The following TMEM135 variants were observed in gnomAD, a reference collection of about 807,000 sequenced individuals.
The protein encoded by TMEM135 is transmembrane protein 135, also known as peroxisomal membrane protein 52.
In TMEM135, 30 loss-of-function variants were observed where a neutral mutation model predicts 60.3. The observed-to-expected ratio is 0.50, with a 90% CI of 0.37 to 0.68. The LOEUF (loss-of-function observed/expected upper bound fraction) is 0.68, where lower values mean the gene tolerates loss of function less well. TMEM135 is among the 30% of genes least tolerant of loss of function. The pLI, the probability that TMEM135 is intolerant of heterozygous loss-of-function variation, is 0.00. For synonymous variants in TMEM135, 190 were observed against 186.7 expected (o/e 1.02, Z -0.14); for missense variants, 468 against 548.8 (o/e 0.85, Z 1.47).
chr11:87,316,780 T>A (rs1270085182), intron 12 of TMEM135, among the ~76,000 whole-genome samples: 1 of 151,426 alleles, frequency 6.6e-6, no homozygotes, highest in Admixed American at 6.6e-5. Context: ...GTGGCCAGAG[T>A]TTTTTAAGGC....
At chr11:87,049,758 G>A (rs1006896785) in intron 1 of TMEM135, among the ~76,000 whole-genome samples, 3 of 89,118 alleles carry the variant, frequency 3.4e-5, no homozygotes, top group East Asian at 4.5e-4. Flanking sequence ...ACAGATCAAC[G>A]AGACAGAAAG....
rs771228515 is a variant in TMEM135, at chr11:87,321,361, A to G, written c.*28A>G. On this transcript the variant is annotated 3_prime_UTR_variant, in exon 15 of 15. Coordinates refer to ENST00000305494, the MANE Select transcript of TMEM135 (RefSeq NM_022918.4). Reference sequence around the variant, plus strand: ...ATGACTGTAACTTATTAATGTGACTAAATGTTTCATCTTGAAGAGTTAATT... The same window carrying G: ...ATGACTGTAACTTATTAATGTGACTGAATGTTTCATCTTGAAGAGTTAATT... The G allele has an allele frequency of 9.9e-6, 16 of 1,612,514 alleles. No homozygotes were observed. Among genetic ancestry groups the G allele is most frequent in the Non-Finnish European group, 1.3e-5 (15 of 1,178,934 alleles).
chr11:87,313,555 C>G (rs1340045123), intron 11 of TMEM135, 67 bp downstream of exon 11: 6 of 1,266,628 alleles, frequency 4.7e-6, no homozygotes, highest in Non-Finnish European at 6.9e-6. Flanking sequence ...ATTGGAAATA[C>G]CATCCAATTC....
chr11:87,248,274 T>C (rs554686), intron 6 of TMEM135, among the ~76,000 whole-genome samples: 100,122 of 151,984 alleles, frequency 0.66, 33,558 homozygotes, highest in Non-Finnish European at 0.71. Context: ...GAGAAACCTC[T>C]AAACTGTTCT....
intron 3 of TMEM135, among the ~76,000 whole-genome samples, chr11:87,074,748 G>A (rs1856836823): frequency 6.6e-6 from 1 of 152,136 alleles, no homozygotes; most frequent in Admixed American, 6.5e-5. Context: ...GAGTACTTCA[G>A]CACGTATCTC....
At chr11:87,059,058 C>T (rs1490705654) in intron 1 of TMEM135, among the ~76,000 whole-genome samples, 1 of 152,062 alleles carries the variant, frequency 6.6e-6, no homozygotes, top group Non-Finnish European at 1.5e-5. Flanking sequence ...CTGCCTCAGC[C>T]TCCCAAGTAG....
chr11:87,210,184 A>C (rs1940330630), intron 5 of TMEM135, among the ~76,000 whole-genome samples: 1 of 152,168 alleles, frequency 6.6e-6, no homozygotes, highest in Non-Finnish European at 1.5e-5. Flanking sequence ...ACTGAATGAA[A>C]TTGAGTTGTG....
intron 6 of TMEM135, among the ~76,000 whole-genome samples, chr11:87,248,628 A>T (rs1264860186): frequency 1.3e-5 from 2 of 151,146 alleles, no homozygotes; most frequent in Admixed American, 6.6e-5. Flanking sequence ...AAATTATATG[A>T]TTTTTTTTTC....
intron 4 of TMEM135, among the ~76,000 whole-genome samples, chr11:87,124,735 G>T (rs1012332754): frequency 1.2e-4 from 18 of 151,998 alleles, no homozygotes; most frequent in African/African-American, 4.3e-4. Context: ...ATAGCTGTTA[G>T]TTCATTATTC....
chr11:87,317,515 A>C (rs1942753775), intron 12 of TMEM135, among the ~76,000 whole-genome samples: 2 of 152,080 alleles, frequency 1.3e-5, no homozygotes, highest in South Asian at 4.1e-4. Flanking sequence ...TAAAGTATCC[A>C]CCTTATCATT....
At chr11:87,199,666 A>T (rs746501170) in intron 5 of TMEM135, among the ~76,000 whole-genome samples, 1 of 152,180 alleles carries the variant, frequency 6.6e-6, no homozygotes, top group Non-Finnish European at 1.5e-5. Context: ...GCGGTGGCTC[A>T]TGCCTGTAAT....
intron 5 of TMEM135, among the ~76,000 whole-genome samples, chr11:87,178,960 T>TA (rs58742345): frequency 0.14 from 21,593 of 151,300 alleles, 1,939 homozygotes; most frequent in African/African-American, 0.26. Context: ...GAATAATGCT[T>TA]AAAAAAAAAG....
chr11:87,205,947 A>G (rs1198787363), intron 5 of TMEM135, among the ~76,000 whole-genome samples: 2 of 152,170 alleles, frequency 1.3e-5, no homozygotes, highest in African/African-American at 4.8e-5. Context: ...TTTTTGGCAG[A>G]TATCCTTGAT....
At chr11:87,293,113 T>C (rs1273849168) in intron 6 of TMEM135, among the ~76,000 whole-genome samples, 1 of 152,198 alleles carries the variant, frequency 6.6e-6, no homozygotes, top group Non-Finnish European at 1.5e-5. Flanking sequence ...ACCTGCTTCC[T>C]CACCATCTTA....
At chr11:87,192,967 T>C (rs1040694020) in intron 5 of TMEM135, among the ~76,000 whole-genome samples, 27 of 152,008 alleles carry the variant, frequency 1.8e-4, no homozygotes, top group Admixed American at 1.8e-3. Context: ...ATATAAAAAA[T>C]ACCCAGGCCT....
At chr11:87,319,961 GT>G (rs1365714519) in intron 14 of TMEM135, among the ~76,000 whole-genome samples, 3 of 152,062 alleles carry the variant, frequency 2.0e-5, no homozygotes. Flanking sequence ...GTGAGCCTAA[GT>G]TTTTTTCGGT....
chr11:87,053,201 A>AT (rs1949856348), intron 1 of TMEM135, among the ~76,000 whole-genome samples: 1 of 151,422 alleles, frequency 6.6e-6, no homozygotes, highest in Non-Finnish European at 1.5e-5. Context: ...CAAAAAAAAA[A>AT]AAAAAGTGTA....
chr11:87,236,536 A>G (rs1025451179), intron 5 of TMEM135, 102 bp from the exon 6 acceptor site: 15 of 968,976 alleles, frequency 1.5e-5, no homozygotes, highest in African/African-American at 3.2e-5. Context: ...ATATCCTTTT[A>G]TTGTTTCAGG....
chr11:87,085,576 G>A lies in TMEM135; in HGVS notation c.363-5786G>A, dbSNP rs4494326. On this transcript the variant is annotated intron_variant, in intron 3 of 14. Transcript: ENST00000305494. ...TTTCGAGACCAGCCTGGCCAACATGGTGAAACCTTGCTCTACCCAAAATAC... is the reference window on the plus strand; with the variant it reads ...TTTCGAGACCAGCCTGGCCAACATGATGAAACCTTGCTCTACCCAAAATAC... Among the ~76,000 whole-genome samples, 927 of 152,194 alleles carry A rather than the reference G, an allele frequency of 6.1e-3. 15 individuals carry two copies. The highest frequency in any genetic ancestry group is 0.01 in the Middle Eastern group (3 of 294).
Sources: allele counts gnomAD v4.1 joint callset (sites outside exome capture counted in the v4.1 genomes callset), GRCh38; gene constraint gnomAD v4.1.1; transcripts MANE v1.5; gene names NCBI Gene and HGNC (gene_info 2026-07-23, HGNC 2026-07-21).